Variants in ANKRD52 observed in about 807,000 individuals in gnomAD.
ANKRD52 encodes the protein serine/threonine-protein phosphatase 6 regulatory ankyrin repeat subunit C.
ANKRD52 carries 7 observed loss-of-function variants against 116.0 expected under a neutral mutation model. That is an observed-to-expected ratio of 0.06 (90% CI 0.03 to 0.11). The LOEUF (loss-of-function observed/expected upper bound fraction) is 0.11. ANKRD52 is among the 10% of genes least tolerant of loss of function. The pLI is 1.00. For missense variants in ANKRD52, 839 were observed against 1,408.6 expected (o/e 0.60, Z 6.47); for synonymous variants, 528 against 578.1 (o/e 0.91, Z 1.24).
chr12:56,244,148 CAG>C lies in ANKRD52; in HGVS notation c.2806-17_2806-16del, dbSNP rs1871288773. ...TTCTCATGGCCCTGAGGGAGGGGAA[CAG>C]AGAGTGGAGACTTGTGAAGTAGAAA... On this transcript the variant is annotated splice_polypyrimidine_tract_variant and intron_variant, in intron 25 of 27. Coordinates refer to ENST00000267116, the MANE Select transcript of ANKRD52 (RefSeq NM_173595.4). This position sits in a 1 kb window ranked among gnomAD's most constrained non-coding sequence, Gnocchi z 4.9. 4.3e-6 allele frequency: 7 copies of C among 1,613,420 alleles called. No individual in the cohort carries two copies. The East Asian group carries it at 6.7e-5, about 15-fold the overall frequency.
Position 56,255,855 on chromosome 12 carries a change from T to C in ANKRD52, c.391A>G (p.Ser131Gly). The C allele has an allele frequency of 6.3e-7, 1 of 1,577,068 alleles. No homozygotes were observed. ...KCAEALAPLL[S>G]SLNVADRSGR... ...CTCCTGTCAGCCACGTTGAGGCTGC[T>C]CAACAGGGGTGCCAGAGCCTCAGCA... The change falls in exon 5 of 28, where the codon AGC (serine) becomes GGC (glycine). Residue 131 changes from serine (S) to glycine (G), a missense_variant. Physicochemically the swap from Ser to Gly is moderately conservative, Grantham distance 56 (BLOSUM62 0). Around this residue, in one of 2 missense-constraint regions of ANKRD52, gnomAD observed 287 missense variants for 598.1 expected, o/e 0.48. Transcript: ENST00000267116. The surrounding 1 kb of genome is among the most constrained non-coding windows in gnomAD (Gnocchi z 4.3).
Position 56,253,470 on chromosome 12 carries a change from C to A in ANKRD52, c.986-68G>T. ...CTTAAGACCACTTTCGCGAGCTAGC[C>A]ATGATTTGAGTGCCTACTATGTATG... On this transcript the variant is annotated intron_variant, in intron 9 of 27. Transcript: ENST00000267116. The surrounding 1 kb of genome is among the most constrained non-coding windows in gnomAD (Gnocchi z 5.5). The A allele has an allele frequency of 7.7e-7, 1 of 1,293,160 alleles. No individual in the cohort carries two copies. Among genetic ancestry groups the A allele is most frequent in the Non-Finnish European group, 1.1e-6 (1 of 899,452 alleles). 80.1% of individuals were successfully genotyped at this position (1,293,160 alleles called of 1,614,324 possible).
Position 56,243,481 on chromosome 12 carries a change from A to G in ANKRD52, c.2981-89T>C, listed in dbSNP as rs551154339. On this transcript the variant is annotated intron_variant, in intron 27 of 27. Coordinates refer to ENST00000267116, the MANE Select transcript of ANKRD52 (RefSeq NM_173595.4). The surrounding 1 kb of genome is among the most constrained non-coding windows in gnomAD (Gnocchi z 4.6). ...CCTGAAGTCTCTTCTCTGTGGAGGGAGCCAAGGCAGGCAGGTACCCAGCAG... is the reference window on the plus strand; with the variant it reads ...CCTGAAGTCTCTTCTCTGTGGAGGGGGCCAAGGCAGGCAGGTACCCAGCAG... The G allele has an allele frequency of 8.0e-6, 12 of 1,492,168 alleles. No homozygotes were observed. The highest frequency in any genetic ancestry group is 6.7e-5 in the Admixed American group (3 of 44,504). 92.4% of individuals were successfully genotyped at this position (1,492,168 alleles called of 1,614,324 possible).
At chr12:56,256,933 G>A (rs1871981112) in intron 4 of ANKRD52, 82 bp downstream of exon 4, 1 of 1,433,374 alleles carries the variant, frequency 7.0e-7, no homozygotes, top group Non-Finnish European at 9.4e-7. Flanking sequence ...TAGGGCTGAG[G>A]ACTGAGGCTC....
In ANKRD52 at chr12:56,253,521, A is replaced by T; in HGVS notation, c.986-119T>A. ...CATCAGGTGCCAGGCCCAGGATTCTACATATTTTATCCTGTTTCTAGGCCT... is the reference window on the plus strand; with the variant it reads ...CATCAGGTGCCAGGCCCAGGATTCTTCATATTTTATCCTGTTTCTAGGCCT... On this transcript the variant is annotated intron_variant, in intron 9 of 27. Transcript: ENST00000267116. This position sits in a 1 kb window ranked among gnomAD's most constrained non-coding sequence, Gnocchi z 5.5. 1 of 953,938 alleles carries T rather than the reference A, an allele frequency of 1.0e-6. No individual in the cohort carries two copies. The highest frequency in any genetic ancestry group is 1.6e-6 in the Non-Finnish European group (1 of 616,560). 59.1% of individuals were successfully genotyped at this position (953,938 alleles called of 1,614,324 possible).
intron 15 of ANKRD52, among the ~76,000 whole-genome samples, chr12:56,250,112 G>T (rs769932590): frequency 2.0e-5 from 3 of 152,090 alleles, no homozygotes; most frequent in African/African-American, 7.2e-5. Flanking sequence ...CAGGAGAATC[G>T]CTTGAACCCC....
chr12:56,257,249 C>T (rs778989870), intron 3 of ANKRD52, 34 bp downstream of exon 3: 8 of 1,570,510 alleles, frequency 5.1e-6, no homozygotes, highest in Middle Eastern at 1.7e-4. Flanking sequence ...CCTTCGCTCC[C>T]TATGTGCCAC....
At position 56,255,993 on chromosome 12, in the gene ANKRD52, G is replaced by A. The variant is rs760270766; in HGVS notation, c.262-9C>T. On this transcript the variant is annotated splice_polypyrimidine_tract_variant and intron_variant, in intron 4 of 27. Coordinates refer to ENST00000267116, the MANE Select transcript of ANKRD52 (RefSeq NM_173595.4). This position sits in a 1 kb window ranked among gnomAD's most constrained non-coding sequence, Gnocchi z 4.3. ...AGCAGCCCCAGCACCTTCTGTTGAG[G>A]GGCAGGGGACAAAAGAGAGAGTGGG... 1.9e-6 allele frequency: 3 copies of A among 1,556,862 alleles called. No individual in the cohort carries two copies. The highest frequency in any genetic ancestry group is 2.4e-5 in the South Asian group (2 of 84,996).
In ANKRD52 at chr12:56,243,166, C is replaced by T. The variant is rs888891329; in HGVS notation, c.3207G>A (p.Gly1069=). Residue 1069 remains glycine (G), a synonymous_variant, in exon 28 of 28, where the codon GGG becomes GGA. Transcript: ENST00000267116. This position sits in a 1 kb window ranked among gnomAD's most constrained non-coding sequence, Gnocchi z 4.6. ...GCTACTCAGAGTAGCAGCCATCTAA[C>T]CCAATGGCGCCGGGCCGCTCCTGGC... ...PYSQERPGAI[G]LDGCYSE 6.2e-7 allele frequency: 1 copy of T among 1,605,148 alleles called. No individual in the cohort carries two copies. Among genetic ancestry groups the T allele is most frequent in the Non-Finnish European group, 8.5e-7 (1 of 1,175,868 alleles).
rs563451947 is a variant in ANKRD52 at position 56,252,328 on chromosome 12, T to G, written c.1371-13A>C. On this transcript the variant is annotated splice_polypyrimidine_tract_variant and intron_variant, in intron 13 of 27. Coordinates refer to ENST00000267116, the MANE Select transcript of ANKRD52 (RefSeq NM_173595.4). The surrounding 1 kb of genome is among the most constrained non-coding windows in gnomAD (Gnocchi z 4.7). Reference sequence around the variant, plus strand: ...GTGCAGTGGGGTCCTGGGGAAGAAGTGAAGGAGGGTGGGGAAGAGAATCAG... The same window carrying G: ...GTGCAGTGGGGTCCTGGGGAAGAAGGGAAGGAGGGTGGGGAAGAGAATCAG... The G allele has an allele frequency of 6.2e-7, 1 of 1,613,012 alleles. No homozygotes were observed. The highest frequency in any genetic ancestry group is 1.1e-5 in the South Asian group (1 of 91,068).
intron 20 of ANKRD52, 79 bp downstream of exon 20, chr12:56,247,414 G>A: frequency 1.7e-6 from 2 of 1,158,202 alleles, no homozygotes; most frequent in Non-Finnish European, 1.2e-6. Flanking sequence ...CTAGACAATT[G>A]GATTCCCTAC....
intron 15 of ANKRD52, among the ~76,000 whole-genome samples, chr12:56,250,583 G>T (rs1257442360): frequency 6.6e-6 from 1 of 151,552 alleles, no homozygotes; most frequent in Non-Finnish European, 1.5e-5. Flanking sequence ...AATATTATTA[G>T]ATTTATAGAA....
At chr12:56,257,118 G>A in intron 3 of ANKRD52, 33 bp from the exon 4 acceptor site, 2 of 1,603,724 alleles carry the variant, frequency 1.2e-6, no homozygotes, top group Non-Finnish European at 1.7e-6. Context: ...TTTGATGGAA[G>A]GTGGGGAGGA....
chr12:56,249,705 G>T (rs916385232), intron 15 of ANKRD52, among the ~76,000 whole-genome samples: 3 of 152,202 alleles, frequency 2.0e-5, no homozygotes, highest in African/African-American at 7.2e-5. Flanking sequence ...GGAGTTCGTG[G>T]CCAGCCTCGC....
rs943683696 is a variant in ANKRD52 at position 56,254,776 on chromosome 12, A to C, written c.551-56T>G. The C allele has an allele frequency of 3.8e-6, 6 of 1,599,074 alleles. No individual in the cohort carries two copies. In the Admixed American group the frequency reaches 6.7e-5, roughly 18 times the overall value. On this transcript the variant is annotated intron_variant, in intron 6 of 27. Coordinates refer to ENST00000267116, the MANE Select transcript of ANKRD52 (RefSeq NM_173595.4). This position sits in a 1 kb window ranked among gnomAD's most constrained non-coding sequence, Gnocchi z 4.6. The stretch of plus-strand genomic sequence containing the variant: ...TAGAAGGTAAACTCTAAGACCCTAC[A>C]CTCCTCTCTTCAAAGGCTGCAACCC...
intron 15 of ANKRD52, 88 bp downstream of exon 15, chr12:56,251,927 A>T: frequency 7.2e-7 from 1 of 1,392,588 alleles, no homozygotes; most frequent in Non-Finnish European, 1.0e-6. Context: ...AGTATAGGGT[A>T]GAGGTTCAGA....
Position 56,240,683 on chromosome 12 carries a change from G to T in ANKRD52, c.*2459C>A, listed in dbSNP as rs1348556327. On this transcript the variant is annotated 3_prime_UTR_variant, in exon 28 of 28. Transcript: ENST00000267116. The surrounding 1 kb of genome is among the most constrained non-coding windows in gnomAD (Gnocchi z 4.2). The stretch of plus-strand genomic sequence containing the variant: ...CACTAGGGCTGGGGAGCCCAGGGTG[G>T]GGCGTGGGGTTTCCTTTGGCATAAG... 2 of 152,186 alleles carry T rather than the reference G, an allele frequency of 1.3e-5. No individual in the cohort carries two copies. Among genetic ancestry groups the T allele is most frequent in the Non-Finnish European group, 2.9e-5 (2 of 68,038 alleles). 9.4% of individuals were successfully genotyped at this position (152,186 alleles called of 1,614,324 possible). A position where few individuals can be genotyped will look rare whatever the true frequency, so the allele number is the denominator to read the frequency against.
Position 56,254,887 on chromosome 12 carries a change from A to G in ANKRD52, c.528T>C (p.Pro176=). ...LNVCDKKERQ[P]LHWAAFLGHL... ...CACCTAGAAAAGCTGCCCAATGCAG[A>G]GGCTGCCGCTCCTTTTTGTCACAGA... is the stretch of plus-strand genomic sequence containing the variant. The change falls in exon 6 of 28, where the codon CCT becomes CCC. Residue 176 remains proline, a synonymous_variant. Coordinates refer to ENST00000267116, the MANE Select transcript of ANKRD52 (RefSeq NM_173595.4). The surrounding 1 kb of genome is among the most constrained non-coding windows in gnomAD (Gnocchi z 4.6). The G allele has an allele frequency of 2.5e-6, 4 of 1,613,522 alleles. No individual in the cohort carries two copies. The highest frequency in any genetic ancestry group is 3.4e-6 in the Non-Finnish European group (4 of 1,179,460).
rs200485121 is a variant in ANKRD52 at position 56,254,582 on chromosome 12, G to A, written c.689C>T (p.Ala230Val). ...CCCAGAGCTCAAAGCCCTGACCTCC[G>A]CTCCCATCCGAAGCAGGTACTTCAC... ...EVVKYLLRMG[A>V]EIDEPNAFGN... The change falls in exon 7 of 28, where the codon GCG becomes GTG. Residue 230 changes from alanine to valine, a missense_variant. This residue lies in a region of ANKRD52 where 287 missense variants were observed against 598.1 expected (regional missense o/e 0.48). Coordinates refer to ENST00000267116, the MANE Select transcript of ANKRD52 (RefSeq NM_173595.4). This position sits in a 1 kb window ranked among gnomAD's most constrained non-coding sequence, Gnocchi z 4.6. 150 of 1,613,496 alleles carry A rather than the reference G, an allele frequency of 9.3e-5. No homozygotes were observed. The African/African-American group carries it at 1.6e-3, about 18-fold the overall frequency.
Sources: gnomAD v4.1 joint callset for allele counts (sites outside exome capture counted in the v4.1 genomes callset) on GRCh38, gnomAD v4.1.1 for gene constraint, gnomAD v4.1.1 regional missense constraint, Gnocchi (gnomAD v3.1) non-coding constraint, MANE v1.5 for transcripts, NCBI Gene and HGNC (gene_info 2026-07-23, HGNC 2026-07-21) for gene names.